The following ELOVL6 variants were observed in gnomAD, a reference collection of about 807,000 sequenced individuals.
ELOVL6 encodes the protein ELOVL fatty acid elongase 6.
ELOVL6 carries 8 observed loss-of-function variants against 31.7 expected under a neutral mutation model. The ratio of observed to expected loss-of-function variants is 0.25; its 90% CI spans 0.15 to 0.45. The LOEUF (loss-of-function observed/expected upper bound fraction) is 0.45. ELOVL6 is among the 20% of genes least tolerant of loss of function. The pLI is 1.00. For missense variants in ELOVL6, 126 were observed against 326.4 expected (o/e 0.39, Z 4.73); for synonymous variants, 101 against 117.7 (o/e 0.86, Z 0.92).
chr4:110,055,332 A>C lies in ELOVL6; in HGVS notation c.374-3570T>G, dbSNP rs895436480. ...ACTGTGTATTTGAGTTGGTCAGTCA[A>C]TCTTTCTTGTTCAAATGTCCTGTTG... On this transcript the variant is annotated intron_variant, in intron 3 of 3. Transcript: ENST00000302274. 2.0e-5 allele frequency among the ~76,000 whole-genome samples: 3 copies of C among 152,192 alleles called. No homozygotes were observed. In the East Asian group the frequency reaches 5.8e-4, roughly 29 times the overall value.
intron 3 of ELOVL6, among the ~76,000 whole-genome samples, chr4:110,052,974 G>A (rs779883794): frequency 3.3e-5 from 5 of 152,150 alleles, no homozygotes; most frequent in Non-Finnish European, 5.9e-5. Flanking sequence ...TTGAGACAGG[G>A]TCTTGCCCTG....
At chr4:110,102,538 A>G (rs1280800676) in intron 2 of ELOVL6, among the ~76,000 whole-genome samples, 2 of 152,128 alleles carry the variant, frequency 1.3e-5, no homozygotes. Flanking sequence ...ACATGCCCAT[A>G]GTCCCAGCTA....
intron 2 of ELOVL6, among the ~76,000 whole-genome samples, chr4:110,080,160 G>T (rs1474044860): frequency 6.6e-6 from 1 of 152,164 alleles, no homozygotes; most frequent in African/African-American, 2.4e-5. Flanking sequence ...TCTACCAGAG[G>T]TACAAGGAGG....
intron 2 of ELOVL6, among the ~76,000 whole-genome samples, chr4:110,084,580 ATATATATATTTT>A (rs1756178202): frequency 1.8e-5 from 1 of 55,346 alleles, no homozygotes; most frequent in Non-Finnish European, 2.8e-5. Context: ...ATATATATAT[ATATATATATTTT>A]TTTTTTTTTT....
At chr4:110,091,713 T>C (rs1756432534) in intron 2 of ELOVL6, among the ~76,000 whole-genome samples, 1 of 152,136 alleles carries the variant, frequency 6.6e-6, no homozygotes, top group Admixed American at 6.5e-5. Context: ...TATCCATTGC[T>C]AAGTCAATGG....
chr4:110,066,812 A>C (rs139622613), intron 2 of ELOVL6, among the ~76,000 whole-genome samples: 8,152 of 152,076 alleles, frequency 0.054, 545 homozygotes, highest in African/African-American at 0.17. Context: ...GGTTTGCTAC[A>C]TAGGTATACA....
intron 1 of ELOVL6, among the ~76,000 whole-genome samples, chr4:110,142,341 G>A (rs1214572425): frequency 6.6e-6 from 1 of 151,486 alleles, no homozygotes; most frequent in Non-Finnish European, 1.5e-5. Context: ...CACCGCACCC[G>A]GCCACCCCTT....
At chr4:110,083,075 TA>T (rs936376402) in intron 2 of ELOVL6, among the ~76,000 whole-genome samples, 2 of 150,464 alleles carry the variant, frequency 1.3e-5, no homozygotes, top group Non-Finnish European at 3.0e-5. Flanking sequence ...TTTATTCACT[TA>T]AAAAAAAAGC....
chr4:110,188,027 T>A (rs930143073), intron 1 of ELOVL6, among the ~76,000 whole-genome samples: 1 of 152,220 alleles, frequency 6.6e-6, no homozygotes, highest in African/African-American at 2.4e-5. Flanking sequence ...CTTCACATTG[T>A]AGGAGCTGAC....
At chr4:110,131,956 T>G (rs779341185) in intron 1 of ELOVL6, among the ~76,000 whole-genome samples, 2 of 151,878 alleles carry the variant, frequency 1.3e-5, no homozygotes, top group East Asian at 3.8e-4. Flanking sequence ...CATGCCAGAA[T>G]GGCCAGAAAA....
In ELOVL6 at chr4:110,186,176, C is replaced by T. The variant is rs917238165; in HGVS notation, c.89+12071G>A. 5.9e-5 allele frequency among the ~76,000 whole-genome samples: 9 copies of T among 151,958 alleles called. No individual in the cohort carries two copies. The South Asian group carries it at 1.2e-3, about 21-fold the overall frequency. The stretch of plus-strand genomic sequence containing the variant: ...CTGTACTACAGCCTGGGCAACAGAG[C>T]GAGACTCCGTCCCAAAACAAAACAA... On this transcript the variant is annotated intron_variant, in intron 1 of 3. Transcript: ENST00000302274.
intron 2 of ELOVL6, among the ~76,000 whole-genome samples, chr4:110,072,814 C>T (rs1717809735): frequency 6.6e-6 from 1 of 152,188 alleles, no homozygotes; most frequent in South Asian, 2.1e-4. Context: ...ATTTCAGGAA[C>T]TTCCTGTTCC....
intron 2 of ELOVL6, among the ~76,000 whole-genome samples, chr4:110,093,815 C>T (rs1489775954): frequency 6.6e-6 from 1 of 151,924 alleles, no homozygotes; most frequent in Non-Finnish European, 1.5e-5. Flanking sequence ...TGGAATATGA[C>T]AGGCGTTAAA....
intron 1 of ELOVL6, among the ~76,000 whole-genome samples, chr4:110,153,251 G>A (rs923013697): frequency 6.6e-6 from 1 of 152,160 alleles, no homozygotes; most frequent in Non-Finnish European, 1.5e-5. Context: ...CAGTAAAATT[G>A]TGGTACACAT....
intron 2 of ELOVL6, among the ~76,000 whole-genome samples, 156 bp downstream of exon 2, chr4:110,105,341 C>T (rs1030722749): frequency 6.6e-6 from 1 of 152,160 alleles, no homozygotes; most frequent in Non-Finnish European, 1.5e-5. Flanking sequence ...CAAATGGTGG[C>T]AGTGAAGGCT....
intron 1 of ELOVL6, among the ~76,000 whole-genome samples, chr4:110,128,751 T>C (rs1445826323): frequency 6.6e-6 from 1 of 152,226 alleles, no homozygotes; most frequent in Non-Finnish European, 1.5e-5. Flanking sequence ...GCTTATCATG[T>C]TCTTAGATAT....
At chr4:110,093,326 G>A (rs935879766) in intron 2 of ELOVL6, among the ~76,000 whole-genome samples, 1 of 152,180 alleles carries the variant, frequency 6.6e-6, no homozygotes. Context: ...GTGGTTTTCA[G>A]TTTTGATGCA....
chr4:110,082,760 A>T (rs1355222336), intron 2 of ELOVL6, among the ~76,000 whole-genome samples: 1 of 152,176 alleles, frequency 6.6e-6, no homozygotes, highest in Non-Finnish European at 1.5e-5. Context: ...AATAAATAAA[A>T]AATCACCTAG....
At chr4:110,057,799 C>T (rs537351034) in intron 3 of ELOVL6, among the ~76,000 whole-genome samples, 1 of 147,996 alleles carries the variant, frequency 6.8e-6, no homozygotes. Flanking sequence ...TGCAGTGAGC[C>T]GAGATCGCGC....
Sources: allele counts gnomAD v4.1 joint callset (sites outside exome capture counted in the v4.1 genomes callset), GRCh38; gene constraint gnomAD v4.1.1; transcripts MANE v1.5; gene names NCBI Gene and HGNC (gene_info 2026-07-23, HGNC 2026-07-21).